The following PTPRD variants were observed in gnomAD, a reference collection of about 807,000 sequenced individuals.
The protein encoded by PTPRD is protein tyrosine phosphatase receptor type D, also known as receptor-type tyrosine-protein phosphatase delta.
A neutral mutation model predicts 214.5 loss-of-function variants in PTPRD; 34 were observed. The observed-to-expected ratio is 0.16, with a 90% CI of 0.12 to 0.21. The LOEUF is 0.21. Ranked by LOEUF, PTPRD falls within the 10% of genes least tolerant of loss-of-function variation. The pLI, the probability that PTPRD is intolerant of heterozygous loss-of-function variation, is 1.00. For missense variants in PTPRD, 2,545 were observed against 2,398.7 expected (o/e 1.06, Z -1.27); for synonymous variants, 1,128 against 845.7 (o/e 1.33, Z -5.79).
At chr9:8,403,706 C>T (rs959867722) in intron 36 of PTPRD, among the ~76,000 whole-genome samples, 5 of 152,148 alleles carry the variant, frequency 3.3e-5, no homozygotes, top group African/African-American at 9.7e-5. Context: ...TACTGCAATT[C>T]TAAGAGGCAG....
intron 11 of PTPRD, among the ~76,000 whole-genome samples, chr9:8,845,593 G>A (rs2097676208): frequency 6.6e-6 from 1 of 152,198 alleles, no homozygotes; most frequent in Non-Finnish European, 1.5e-5. Flanking sequence ...AGCCAATCCT[G>A]TCCCATGCCA....
In PTPRD at chr9:10,376,727, G is replaced by A. The variant is rs145028305; in HGVS notation, c.-599-35710C>T. Among the ~76,000 whole-genome samples the A allele has an allele frequency of 2.0e-5, 3 of 151,810 alleles. No homozygotes were observed. In the East Asian group the frequency reaches 5.9e-4, roughly 30 times the overall value. On this transcript the variant is annotated intron_variant, in intron 2 of 45. Coordinates refer to ENST00000381196, the MANE Select transcript of PTPRD (RefSeq NM_002839.4). ...TTATTTGGTTATATAAATCCTCAAA[G>A]CACATGACTCTTTAGGTTATGTTTT... is the stretch of plus-strand genomic sequence containing the variant.
At chr9:8,924,523 G>C (rs956578832) in intron 11 of PTPRD, among the ~76,000 whole-genome samples, 3 of 152,072 alleles carry the variant, frequency 2.0e-5, no homozygotes, top group Non-Finnish European at 4.4e-5. Flanking sequence ...AACAATCAGG[G>C]AATCAAAGTG....
intron 5 of PTPRD, among the ~76,000 whole-genome samples, chr9:9,927,405 T>C (rs2084717689): frequency 6.6e-6 from 1 of 152,174 alleles, no homozygotes; most frequent in Non-Finnish European, 1.5e-5. Flanking sequence ...CATTTCTGTA[T>C]GTACTATTCC....
chr9:8,544,467 CTT>C (rs34002040), intron 14 of PTPRD, among the ~76,000 whole-genome samples: 11,322 of 115,652 alleles, frequency 0.098, 323 homozygotes, highest in South Asian at 0.12. Context: ...AAAAAAATAA[CTT>C]TTTTTTTTTT....
intron 5 of PTPRD, among the ~76,000 whole-genome samples, chr9:9,780,826 C>A (rs550262509): frequency 9.7e-4 from 148 of 152,274 alleles, no homozygotes; most frequent in African/African-American, 3.4e-3. Context: ...TCTGATACAT[C>A]CACATAGTGG....
intron 11 of PTPRD, among the ~76,000 whole-genome samples, chr9:8,813,260 AGGGCGG>A (rs112369028): frequency 0.019 from 2,838 of 152,124 alleles, 61 homozygotes; most frequent in African/African-American, 0.037. Flanking sequence ...GCATTGAGGA[AGGGCGG>A]GGGGGCAGAG....
chr9:9,657,384 T>C (rs2096539623), intron 7 of PTPRD, among the ~76,000 whole-genome samples: 1 of 151,982 alleles, frequency 6.6e-6, no homozygotes, highest in South Asian at 2.1e-4. Context: ...TTCTCACTCA[T>C]AAGTGGGAGT....
intron 10 of PTPRD, among the ~76,000 whole-genome samples, chr9:9,055,077 T>A (rs1040634469): frequency 2.0e-5 from 3 of 152,176 alleles, no homozygotes; most frequent in Non-Finnish European, 4.4e-5. Context: ...TGCAGCTATA[T>A]GGAAGAGTAA....
chr9:8,768,420 C>T (rs918957907), intron 11 of PTPRD, among the ~76,000 whole-genome samples: 4 of 152,020 alleles, frequency 2.6e-5, no homozygotes, highest in African/African-American at 9.7e-5. Flanking sequence ...GGTGTGATGG[C>T]ACACACCTGT....
intron 7 of PTPRD, among the ~76,000 whole-genome samples, chr9:9,581,650 C>T (rs1032099496): frequency 2.0e-5 from 3 of 151,982 alleles, no homozygotes; most frequent in African/African-American, 4.8e-5. Flanking sequence ...AAAAATACCC[C>T]GTGTTTAGGT....
intron 7 of PTPRD, among the ~76,000 whole-genome samples, chr9:9,691,520 T>A (rs948283101): frequency 6.6e-6 from 1 of 152,078 alleles, no homozygotes; most frequent in Non-Finnish European, 1.5e-5. Context: ...TATGTGTTCT[T>A]TATTCATCTG....
chr9:8,500,472 C>T (rs7035558), intron 24 of PTPRD, among the ~76,000 whole-genome samples: 52,035 of 145,646 alleles, frequency 0.36, 9,408 homozygotes, highest in African/African-American at 0.46. Context: ...TAGATGGAGG[C>T]ACAGAGACGG....
chr9:10,187,246 A>G (rs971446622), intron 3 of PTPRD, among the ~76,000 whole-genome samples: 1 of 152,138 alleles, frequency 6.6e-6, no homozygotes, highest in African/African-American at 2.4e-5. Context: ...AAATAGGATG[A>G]ATAGATGAAT....
At chr9:9,264,388 T>TA (rs1389856666) in intron 9 of PTPRD, among the ~76,000 whole-genome samples, 1 of 151,354 alleles carries the variant, frequency 6.6e-6, no homozygotes, top group Non-Finnish European at 1.5e-5. Flanking sequence ...AGGATTGAAG[T>TA]AAAAAATGCA....
At chr9:10,403,526 G>A (rs2098310507) in intron 2 of PTPRD, among the ~76,000 whole-genome samples, 1 of 151,324 alleles carries the variant, frequency 6.6e-6, no homozygotes, top group East Asian at 2.0e-4. Flanking sequence ...CTCATTCACT[G>A]CTTTTGGGAG....
At chr9:9,221,537 C>A (rs2099956022) in intron 9 of PTPRD, among the ~76,000 whole-genome samples, 2 of 151,998 alleles carry the variant, frequency 1.3e-5, no homozygotes, top group South Asian at 4.1e-4. Context: ...CTGGAGAGGG[C>A]TCTCTTTCTG....
At chr9:9,301,953 G>C (rs1401192945) in intron 9 of PTPRD, among the ~76,000 whole-genome samples, 1 of 151,894 alleles carries the variant, frequency 6.6e-6, no homozygotes, top group Non-Finnish European at 1.5e-5. Context: ...TTGTTGATTT[G>C]CTATGTTGGT....
At chr9:9,675,741 C>T (rs2096916338) in intron 7 of PTPRD, among the ~76,000 whole-genome samples, 1 of 151,914 alleles carries the variant, frequency 6.6e-6, no homozygotes, top group Non-Finnish European at 1.5e-5. Flanking sequence ...TTGGTGAGTT[C>T]TATCACAATA....
Sources: gnomAD v4.1 joint callset for allele counts (sites outside exome capture counted in the v4.1 genomes callset) on GRCh38, gnomAD v4.1.1 for gene constraint, MANE v1.5 for transcripts, NCBI Gene and HGNC (gene_info 2026-07-23, HGNC 2026-07-21) for gene names.